Variants in ITPR2 observed in about 807,000 individuals in gnomAD.
ITPR2 encodes the protein inositol 1,4,5-trisphosphate receptor type 2.
A neutral mutation model predicts 317.1 loss-of-function variants in ITPR2; 207 were observed. The observed-to-expected ratio is 0.65, with a 90% CI of 0.58 to 0.73. The LOEUF is 0.73. Ranked by LOEUF, ITPR2 falls within the 30% of genes least tolerant of loss-of-function variation. The pLI is 0.00. For synonymous variants in ITPR2, 1,156 were observed against 1,149.1 expected (o/e 1.01, Z -0.12); for missense variants, 2,613 against 3,284.0 (o/e 0.80, Z 4.99).
At chr12:26,572,349 C>G (rs1011167660) in intron 34 of ITPR2, among the ~76,000 whole-genome samples, 1 of 152,188 alleles carries the variant, frequency 6.6e-6, no homozygotes, top group Admixed American at 6.5e-5. Flanking sequence ...CTGAAATGGG[C>G]CTTATCCAAG....
intron 55 of ITPR2, among the ~76,000 whole-genome samples, chr12:26,379,585 A>G (rs1168866983): frequency 6.6e-6 from 1 of 152,082 alleles, no homozygotes; most frequent in Non-Finnish European, 1.5e-5. Context: ...TAAGCCCTCC[A>G]AATACGCCCT....
chr12:26,410,854 TAGAG>T (rs1203007873), intron 52 of ITPR2, among the ~76,000 whole-genome samples: 1 of 151,824 alleles, frequency 6.6e-6, no homozygotes, highest in African/African-American at 2.4e-5. Context: ...ATTCTCTCTC[TAGAG>T]AGAGAGAGAT....
intron 1 of ITPR2, among the ~76,000 whole-genome samples, chr12:26,808,473 T>C (rs566063347): frequency 2.0e-5 from 3 of 152,346 alleles, no homozygotes; most frequent in African/African-American, 7.2e-5. Flanking sequence ...TATTGAGTGT[T>C]GATTATGAAC....
chr12:26,772,445 A>ATATAT (rs1010652643), intron 2 of ITPR2, among the ~76,000 whole-genome samples: 8 of 97,564 alleles, frequency 8.2e-5, no homozygotes, highest in African/African-American at 3.0e-4. Flanking sequence ...CATGTATTAT[A>ATATAT]TATATTATAT....
At chr12:26,436,013 C>A (rs1232992310) in intron 48 of ITPR2, among the ~76,000 whole-genome samples, 1 of 152,098 alleles carries the variant, frequency 6.6e-6, no homozygotes, top group Non-Finnish European at 1.5e-5. Context: ...TAATATAGCT[C>A]TAATAACAAT....
At chr12:26,590,317 T>C (rs1945667895) in intron 32 of ITPR2, among the ~76,000 whole-genome samples, 1 of 152,174 alleles carries the variant, frequency 6.6e-6, no homozygotes, top group Admixed American at 6.5e-5. Context: ...GTGTTTATAG[T>C]AAACACATCT....
At position 26,605,020 on chromosome 12, in the gene ITPR2, G is replaced by A. The variant is rs925857110; in HGVS notation, c.3463-2314C>T. 1.1e-3 allele frequency among the ~76,000 whole-genome samples: 166 copies of A among 151,078 alleles called. 3 individuals carry two copies. The highest frequency in any genetic ancestry group is 4.4e-4 in the Non-Finnish European group (30 of 67,774). ...GGAGAATCGCTTGAACCTGAGAGGC[G>A]GAGGTGGCAGTGAGCCAAGATTGCA... On this transcript the variant is annotated intron_variant, in intron 26 of 56. Transcript: ENST00000381340.
intron 55 of ITPR2, among the ~76,000 whole-genome samples, chr12:26,348,402 T>C (rs941953437): frequency 3.9e-5 from 6 of 152,074 alleles, no homozygotes; most frequent in Admixed American, 3.9e-4. Context: ...GCATGATGAG[T>C]TTCTCACCTT....
At chr12:26,670,114 G>A (rs971339009) in intron 13 of ITPR2, among the ~76,000 whole-genome samples, 1 of 152,216 alleles carries the variant, frequency 6.6e-6, no homozygotes, top group Non-Finnish European at 1.5e-5. Flanking sequence ...CCACCTCTGG[G>A]GGCAGGGCAC....
intron 21 of ITPR2, among the ~76,000 whole-genome samples, chr12:26,641,446 G>GT (rs11380165): frequency 0.84 from 124,534 of 148,576 alleles, 52,367 homozygotes; most frequent in East Asian, 0.97. Flanking sequence ...AAAGCTGTAG[G>GT]TTTTTTTTTT....
rs187244289 is a variant in ITPR2 at position 26,442,159 on chromosome 12, C to T, written c.6450+1384G>A. On this transcript the variant is annotated intron_variant, in intron 46 of 56. Transcript: ENST00000381340. ...CTTCCCATGTTTTTTAATACCTTCC[C>T]TTCACTTACTTTCTCCTTTCTGAAA... Among the ~76,000 whole-genome samples, 3 of 152,106 alleles carry T rather than the reference C, an allele frequency of 2.0e-5. No individual in the cohort carries two copies. The East Asian group carries it at 5.8e-4, about 29-fold the overall frequency.
intron 2 of ITPR2, among the ~76,000 whole-genome samples, chr12:26,773,472 A>G (rs1949906869): frequency 1.3e-5 from 2 of 152,214 alleles, no homozygotes; most frequent in Non-Finnish European, 2.9e-5. Context: ...AGGGAGCTGG[A>G]GAGCTGTTCT....
intron 2 of ITPR2, among the ~76,000 whole-genome samples, chr12:26,764,962 A>C (rs1369889231): frequency 6.6e-6 from 1 of 152,066 alleles, no homozygotes. Flanking sequence ...ATATTTCTGC[A>C]AATTTTTTAC....
chr12:26,496,032 G>A (rs947269984), intron 37 of ITPR2, among the ~76,000 whole-genome samples: 14 of 152,140 alleles, frequency 9.2e-5, no homozygotes, highest in Admixed American at 2.0e-4. Flanking sequence ...AATACATTTT[G>A]TAATATAATT....
chr12:26,392,426 C>T (rs773606915), intron 54 of ITPR2, among the ~76,000 whole-genome samples: 1 of 152,092 alleles, frequency 6.6e-6, no homozygotes, highest in African/African-American at 2.4e-5. Context: ...CTTCAAGCTT[C>T]CCCACTTCCA....
At chr12:26,725,833 G>A (rs17480798) in intron 2 of ITPR2, 68 bp from the exon 3 acceptor site, 203,975 of 1,045,988 alleles carry the variant, frequency 0.2, 23,788 homozygotes, top group Non-Finnish European at 0.24. Context: ...TTCCCTTATA[G>A]CTCAGCTTTT....
At chr12:26,410,908 A>G (rs150509353) in intron 52 of ITPR2, among the ~76,000 whole-genome samples, 16 of 152,354 alleles carry the variant, frequency 1.1e-4, no homozygotes, top group Non-Finnish European at 2.2e-4. Flanking sequence ...GGAAATTTGC[A>G]TAACTTGTCC....
Position 26,599,128 on chromosome 12 carries a change from G to T in ITPR2, c.4002+17C>A, listed in dbSNP as rs372760007. On this transcript the variant is annotated intron_variant, in intron 30 of 56. Transcript: ENST00000381340. ...ACTGTTTAGGTGAAGCTGATAAAAG[G>T]CAAACTGAGAACATACCTCTGTCAT... 1.2e-6 allele frequency: 2 copies of T among 1,610,274 alleles called. No homozygotes were observed. Among genetic ancestry groups the T allele is most frequent in the African/African-American group, 2.7e-5 (2 of 74,824 alleles).
At chr12:26,340,094 C>G (rs1938056592) in intron 56 of ITPR2, 73 bp downstream of exon 56, 8 of 1,408,892 alleles carry the variant, frequency 5.7e-6, no homozygotes, top group East Asian at 4.8e-5. Context: ...GCTCCCTGGA[C>G]CCTCTGTCTC....
Sources: allele counts gnomAD v4.1 joint callset (sites outside exome capture counted in the v4.1 genomes callset), GRCh38; gene constraint gnomAD v4.1.1; transcripts MANE v1.5; gene names NCBI Gene and HGNC (gene_info 2026-07-23, HGNC 2026-07-21).